Variants in LRRC4C observed in about 807,000 individuals in gnomAD.
LRRC4C encodes leucine rich repeat containing 4C.
LRRC4C carries 5 observed loss-of-function variants against 33.6 expected under a neutral mutation model. That is an observed-to-expected ratio of 0.15 (90% CI 0.08 to 0.31). LRRC4C has a LOEUF of 0.31. Among genes scored for constraint, LRRC4C ranks in the 10% least tolerant of loss-of-function variants. LRRC4C has a pLI of 1.00. For missense variants in LRRC4C, 560 were observed against 796.7 expected (o/e 0.70, Z 3.58); for synonymous variants, 329 against 302.0 (o/e 1.09, Z -0.93).
chr11:40,410,199 A>G (rs1211432454), intron 3 of LRRC4C, among the ~76,000 whole-genome samples: 1 of 152,082 alleles, frequency 6.6e-6, no homozygotes, highest in Non-Finnish European at 1.5e-5. Flanking sequence ...AATGTAAGGT[A>G]CATATGTATT....
intron 1 of LRRC4C, among the ~76,000 whole-genome samples, chr11:41,313,032 T>C (rs1950686805): frequency 1.3e-5 from 2 of 152,174 alleles, no homozygotes; most frequent in African/African-American, 4.8e-5. Context: ...CTCTTTCTGA[T>C]CTCATAGAAT....
intron 1 of LRRC4C, among the ~76,000 whole-genome samples, chr11:41,213,887 G>C (rs1946925956): frequency 6.6e-6 from 1 of 152,110 alleles, no homozygotes; most frequent in Non-Finnish European, 1.5e-5. Context: ...GATCCAACTG[G>C]TGCAATATAG....
At chr11:40,793,628 T>A (rs1372916414) in intron 2 of LRRC4C, among the ~76,000 whole-genome samples, 8 of 152,296 alleles carry the variant, frequency 5.3e-5, no homozygotes, top group Non-Finnish European at 1.5e-5. Flanking sequence ...GTCAAGTAAA[T>A]CCCAGTTTTA....
chr11:40,316,509 C>CT (rs1945579384), intron 4 of LRRC4C, among the ~76,000 whole-genome samples: 1 of 151,870 alleles, frequency 6.6e-6, no homozygotes, highest in Non-Finnish European at 1.5e-5. Flanking sequence ...TGGCCAAATC[C>CT]TATTAGTATA....
intron 1 of LRRC4C, among the ~76,000 whole-genome samples, chr11:41,125,334 A>G (rs1942683928): frequency 6.6e-6 from 1 of 152,206 alleles, no homozygotes; most frequent in African/African-American, 2.4e-5. Flanking sequence ...TGTCCAAAAA[A>G]TTCCTTCATT....
intron 3 of LRRC4C, among the ~76,000 whole-genome samples, chr11:40,447,496 T>C (rs1210338873): frequency 6.6e-6 from 1 of 152,188 alleles, no homozygotes; most frequent in Non-Finnish European, 1.5e-5. Context: ...CTTTATATGA[T>C]ATGGCTCTCT....
chr11:40,500,575 C>A (rs1253083663), intron 3 of LRRC4C, among the ~76,000 whole-genome samples: 1 of 151,756 alleles, frequency 6.6e-6, no homozygotes, highest in Non-Finnish European at 1.5e-5. Context: ...GAGAATGAGG[C>A]AGAAGTGAAA....
intron 1 of LRRC4C, among the ~76,000 whole-genome samples, chr11:41,069,007 C>G (rs1392214476): frequency 6.6e-6 from 1 of 152,060 alleles, no homozygotes; most frequent in Non-Finnish European, 1.5e-5. Context: ...AATATCAATG[C>G]AAAAATCCTC....
intron 1 of LRRC4C, among the ~76,000 whole-genome samples, chr11:41,031,928 CT>C (rs1948622072): frequency 6.6e-6 from 1 of 151,924 alleles, no homozygotes; most frequent in Non-Finnish European, 1.5e-5. Flanking sequence ...ACTGTGATAA[CT>C]TTGGTTAAAA....
chr11:40,369,679 G>GCAAA (rs1165965110), intron 3 of LRRC4C, among the ~76,000 whole-genome samples: 1 of 152,176 alleles, frequency 6.6e-6, no homozygotes, highest in Non-Finnish European at 1.5e-5. Context: ...TTTCTAATTG[G>GCAAA]CAAACATAAT....
chr11:40,797,351 A>G (rs938116055), intron 2 of LRRC4C, among the ~76,000 whole-genome samples: 3 of 152,120 alleles, frequency 2.0e-5, no homozygotes, highest in Non-Finnish European at 2.9e-5. Flanking sequence ...CTGAGAGAAG[A>G]GATCCTATGG....
chr11:40,347,827 CA>C (rs1317539457), intron 3 of LRRC4C, among the ~76,000 whole-genome samples: 5 of 152,154 alleles, frequency 3.3e-5, no homozygotes, highest in Non-Finnish European at 7.3e-5. Context: ...AGGCTGGCCT[CA>C]GACTCCCAAC....
intron 1 of LRRC4C, among the ~76,000 whole-genome samples, chr11:40,999,543 C>G (rs1240437639): frequency 1.3e-5 from 2 of 152,080 alleles, no homozygotes; most frequent in African/African-American, 2.4e-5. Flanking sequence ...AACATGGGCT[C>G]TGATTCACTC....
chr11:40,293,489 T>C (rs1944341675), intron 4 of LRRC4C: 2 of 151,670 alleles, frequency 1.3e-5, no homozygotes, highest in African/African-American at 4.8e-5. Flanking sequence ...CAGCCGGTAG[T>C]GGCTCCGGGA....
At chr11:40,241,827 C>G (rs1865943551) in intron 4 of LRRC4C, 1 of 152,196 alleles carries the variant, frequency 6.6e-6, no homozygotes, top group Non-Finnish European at 1.5e-5. Context: ...CTAGTATCCA[C>G]CACAGACAAG....
At chr11:40,777,490 T>C in intron 2 of LRRC4C, among the ~76,000 whole-genome samples, 1 of 85,594 alleles carries the variant, frequency 1.2e-5, no homozygotes, top group African/African-American at 4.9e-5. Flanking sequence ...TTCTTTGTCC[T>C]TTTTTACTGT....
intron 3 of LRRC4C, among the ~76,000 whole-genome samples, chr11:40,637,401 G>A (rs1438687892): frequency 6.6e-6 from 1 of 152,134 alleles, no homozygotes; most frequent in Non-Finnish European, 1.5e-5. Context: ...ACTAAGTATA[G>A]AAATAAACAA....
intron 3 of LRRC4C, among the ~76,000 whole-genome samples, chr11:40,344,760 G>C (rs1347904076): frequency 6.6e-6 from 1 of 152,072 alleles, no homozygotes; most frequent in Non-Finnish European, 1.5e-5. Flanking sequence ...AATCCCCATA[G>C]TCTGTGCCCA....
At chr11:41,370,473 C>G (rs949639535) in intron 1 of LRRC4C, among the ~76,000 whole-genome samples, 1 of 152,110 alleles carries the variant, frequency 6.6e-6, no homozygotes, top group African/African-American at 2.4e-5. Context: ...CCCCATACTG[C>G]TCTCGTGGTA....
Sources: allele counts gnomAD v4.1 joint callset (sites outside exome capture counted in the v4.1 genomes callset), GRCh38; gene constraint gnomAD v4.1.1; transcripts MANE v1.5; gene names NCBI Gene and HGNC (gene_info 2026-07-23, HGNC 2026-07-21).